The following CPQ variants were observed in gnomAD, a reference collection of about 807,000 sequenced individuals.
The protein encoded by CPQ is Ser-Met dipeptidase.
CPQ carries 37 observed loss-of-function variants against 45.7 expected under a neutral mutation model. That is an observed-to-expected ratio of 0.81 (90% CI 0.62 to 1.07). CPQ has a LOEUF of 1.07. Ranked by LOEUF, CPQ falls within the 50% of genes least tolerant of loss-of-function variation. CPQ has a pLI of 0.00. For missense variants in CPQ, 537 were observed against 572.9 expected (o/e 0.94, Z 0.64); for synonymous variants, 186 against 205.8 (o/e 0.90, Z 0.82).
At chr8:97,123,140 A>T (rs1317197268) in intron 7 of CPQ, among the ~76,000 whole-genome samples, 3 of 100,886 alleles carry the variant, frequency 3.0e-5, no homozygotes, top group African/African-American at 1.3e-4. Context: ...AAATAAAATA[A>T]AATAAAATAA....
chr8:97,013,216 G>A (rs927393583), intron 5 of CPQ, among the ~76,000 whole-genome samples: 1 of 152,014 alleles, frequency 6.6e-6, no homozygotes, highest in Non-Finnish European at 1.5e-5. Context: ...GGGGGCAGAG[G>A]TTGCAGAAAG....
chr8:96,646,123 A>T (rs1333978752), intron 1 of CPQ, among the ~76,000 whole-genome samples: 1 of 151,352 alleles, frequency 6.6e-6, no homozygotes, highest in Non-Finnish European at 1.5e-5. Flanking sequence ...CTGTTTTTTG[A>T]TAGCTTTCCA....
At chr8:96,691,930 G>T (rs985897395) in intron 1 of CPQ, among the ~76,000 whole-genome samples, 3 of 152,104 alleles carry the variant, frequency 2.0e-5, no homozygotes, top group Non-Finnish European at 1.5e-5. Flanking sequence ...AGTGAAAATA[G>T]GTTGAGTGTA....
chr8:96,661,928 C>T (rs937771421), intron 1 of CPQ, among the ~76,000 whole-genome samples: 1 of 152,228 alleles, frequency 6.6e-6, no homozygotes, highest in African/African-American at 2.4e-5. Flanking sequence ...ATTCCTGTTG[C>T]TCCACATCCT....
At chr8:97,060,124 A>T (rs1339607776) in intron 6 of CPQ, among the ~76,000 whole-genome samples, 1 of 152,182 alleles carries the variant, frequency 6.6e-6, no homozygotes, top group African/African-American at 2.4e-5. Context: ...ATTTGGAGAG[A>T]AAGGAGCTAT....
chr8:96,688,425 G>C (rs557561455), intron 1 of CPQ, among the ~76,000 whole-genome samples: 3 of 152,254 alleles, frequency 2.0e-5, no homozygotes, highest in East Asian at 1.9e-4. Context: ...TTTAGGCCAT[G>C]TGTAGTTGTA....
At chr8:96,700,561 A>G (rs1031790657) in intron 1 of CPQ, among the ~76,000 whole-genome samples, 1 of 151,654 alleles carries the variant, frequency 6.6e-6, no homozygotes, top group South Asian at 2.1e-4. Context: ...AGTAAACTGC[A>G]TGCACCTTCT....
At chr8:96,763,233 G>T (rs1810425650) in intron 1 of CPQ, among the ~76,000 whole-genome samples, 1 of 152,122 alleles carries the variant, frequency 6.6e-6, no homozygotes, top group Non-Finnish European at 1.5e-5. Context: ...TGGAAGTCAG[G>T]ACTTTAACAT....
intron 1 of CPQ, among the ~76,000 whole-genome samples, chr8:96,779,620 A>G (rs1810662211): frequency 6.6e-6 from 1 of 152,200 alleles, no homozygotes; most frequent in South Asian, 2.1e-4. Context: ...CAATGGTGTC[A>G]TTATATGATT....
At position 97,061,731 on chromosome 8, in the gene CPQ, G is replaced by A. The variant is rs145020050; in HGVS notation, c.1054-4278G>A. Among the ~76,000 whole-genome samples the A allele has an allele frequency of 1.3e-3, 191 of 152,170 alleles. 1 individual carries two copies. Among genetic ancestry groups the A allele is most frequent in the African/African-American group, 4.5e-3 (188 of 41,534 alleles). ...CATCGTTGTAATCAGCTAACAGAAGGGCTTATATTGAGACCATCCTTGAAA... is the reference window on the plus strand; with the variant it reads ...CATCGTTGTAATCAGCTAACAGAAGAGCTTATATTGAGACCATCCTTGAAA... On this transcript the variant is annotated intron_variant, in intron 6 of 7. Coordinates refer to ENST00000220763, the MANE Select transcript of CPQ (RefSeq NM_016134.4).
At chr8:96,656,710 C>T (rs773628778) in intron 1 of CPQ, among the ~76,000 whole-genome samples, 6 of 152,164 alleles carry the variant, frequency 3.9e-5, no homozygotes, top group African/African-American at 7.2e-5. Context: ...TGAGGCTGGC[C>T]GTCTAAAGAC....
At chr8:96,674,941 C>A (rs185414921) in intron 1 of CPQ, among the ~76,000 whole-genome samples, 1 of 151,902 alleles carries the variant, frequency 6.6e-6, no homozygotes. Context: ...ATTGAAACAC[C>A]GATACCCTTA....
At position 96,958,491 on chromosome 8, in the gene CPQ, G is replaced by A. The variant is rs118020845; in HGVS notation, c.850-7444G>A. ...TTGCATCAAATCATGACTTCTGGAT[G>A]CAACCCAGTTGCCTCCATTTCATGA... On this transcript the variant is annotated intron_variant, in intron 4 of 7. Coordinates refer to ENST00000220763, the MANE Select transcript of CPQ (RefSeq NM_016134.4). Among the ~76,000 whole-genome samples, 166 of 152,208 alleles carry A rather than the reference G, an allele frequency of 1.1e-3. 1 individual carries two copies. Among genetic ancestry groups the A allele is most frequent in the Non-Finnish European group, 1.3e-3 (87 of 68,008 alleles).
At chr8:96,654,114 T>TCCTC (rs1563692918) in intron 1 of CPQ, among the ~76,000 whole-genome samples, 1 of 152,220 alleles carries the variant, frequency 6.6e-6, no homozygotes, top group Non-Finnish European at 1.5e-5. Context: ...TGCTTTTTGG[T>TCCTC]ACTTTTATAT....
intron 4 of CPQ, among the ~76,000 whole-genome samples, chr8:96,907,926 C>T (rs1417810321): frequency 1.3e-5 from 2 of 152,076 alleles, no homozygotes; most frequent in Non-Finnish European, 2.9e-5. Context: ...TAATGAATCT[C>T]AAATGTGACT....
chr8:97,062,424 G>C (rs1040166028), intron 6 of CPQ, among the ~76,000 whole-genome samples: 1 of 152,100 alleles, frequency 6.6e-6, no homozygotes, highest in South Asian at 2.1e-4. Context: ...TCATCAGGCT[G>C]CTCATTAATG....
In CPQ at chr8:96,657,690, G is replaced by A. The variant is rs143958144; in HGVS notation, c.-35+12288G>A. Among the ~76,000 whole-genome samples the A allele has an allele frequency of 1.8e-3, 279 of 152,218 alleles. 2 individuals are homozygous for A. The highest frequency in any genetic ancestry group is 6.2e-3 in the African/African-American group (257 of 41,540). ...GTAAAAAACAAAACAAAACAACAAC[G>A]ACAACAAAACCCAAAAGCCTTAAAT... On this transcript the variant is annotated intron_variant, in intron 1 of 7. Transcript: ENST00000220763.
intron 6 of CPQ, among the ~76,000 whole-genome samples, chr8:97,053,917 G>A (rs1014368782): frequency 1.3e-5 from 2 of 152,106 alleles, no homozygotes; most frequent in East Asian, 1.9e-4. Context: ...TCTGATGGTG[G>A]ATTGCATATG....
intron 3 of CPQ, among the ~76,000 whole-genome samples, chr8:96,852,722 G>T (rs1811787592): frequency 6.6e-6 from 1 of 152,152 alleles, no homozygotes; most frequent in South Asian, 2.1e-4. Flanking sequence ...TAGCAATTTG[G>T]ATGACAAGTG....
Sources: gnomAD v4.1 joint callset for allele counts (sites outside exome capture counted in the v4.1 genomes callset) on GRCh38, gnomAD v4.1.1 for gene constraint, MANE v1.5 for transcripts, NCBI Gene and HGNC (gene_info 2026-07-23, HGNC 2026-07-21) for gene names.